Variants in SLC67A1 observed in about 807,000 individuals in gnomAD.
SLC67A1 encodes the protein solute carrier family 67 member 1.
At chr11:2,910,472 G>C in the SLC67A1 span, among the ~76,000 whole-genome samples, 444 of 152,302 alleles carry the variant, frequency 2.9e-3, 1 homozygote, top group African/African-American at 0.01. Flanking sequence ...TGAAGCAGGA[G>C]AGGGAGGCAA....
the SLC67A1 span, among the ~76,000 whole-genome samples, chr11:2,900,068 C>T: frequency 6.6e-6 from 1 of 152,056 alleles, no homozygotes; most frequent in African/African-American, 2.4e-5. Flanking sequence ...TCACCCACCC[C>T]CACCTTACAC....
the SLC67A1 span, among the ~76,000 whole-genome samples, chr11:2,905,881 C>A: frequency 2.0e-4 from 30 of 151,998 alleles, no homozygotes; most frequent in Non-Finnish European, 4.4e-4. Flanking sequence ...GAGAGGAGCA[C>A]TGGGAGCTTG....
At chr11:2,916,626 C>T in the SLC67A1 span, 1 of 1,611,258 alleles carries the variant, frequency 6.2e-7, no homozygotes, top group Non-Finnish European at 8.5e-7. Flanking sequence ...CCGCAGGATT[C>T]AGTGCCCGGC....
chr11:2,913,886 T>A, the SLC67A1 span, among the ~76,000 whole-genome samples: 1 of 151,772 alleles, frequency 6.6e-6, no homozygotes, highest in East Asian at 1.9e-4. Flanking sequence ...TCAGCAGAGG[T>A]TCCTGGAGAC....
chr11:2,910,532 G>C, the SLC67A1 span, among the ~76,000 whole-genome samples: 1 of 152,130 alleles, frequency 6.6e-6, no homozygotes, highest in African/African-American at 2.4e-5. Flanking sequence ...GGGCCGTGTG[G>C]CTGGAGGGAG....
chr11:2,899,726 A>G, the SLC67A1 span: 1 of 1,448,528 alleles, frequency 6.9e-7, no homozygotes, highest in Admixed American at 2.7e-5. Context: ...TTCATGACAA[A>G]AAAAAAGGTC....
chr11:2,923,907 G>A, the SLC67A1 span, among the ~76,000 whole-genome samples: 1 of 152,236 alleles, frequency 6.6e-6, no homozygotes, highest in East Asian at 1.9e-4. The surrounding 1 kb of genome is among the most constrained non-coding windows in gnomAD (Gnocchi z 6.5). Flanking sequence ...AGAAGAGGCT[G>A]CTCTTAATGG....
At chr11:2,903,575 TG>T in the SLC67A1 span, 11 of 1,477,454 alleles carry the variant, frequency 7.4e-6, no homozygotes, top group South Asian at 9.6e-5. Context: ...TCGCAGAGAG[TG>T]GGGGTGGGGG....
chr11:2,909,751 G>A, the SLC67A1 span: 6 of 1,418,516 alleles, frequency 4.2e-6, no homozygotes, highest in Non-Finnish European at 5.5e-6. Context: ...GGGTCAGGAC[G>A]CCCGCGGCTG....
At chr11:2,902,600 G>T in the SLC67A1 span, 2 of 985,528 alleles carry the variant, frequency 2.0e-6, no homozygotes, top group Non-Finnish European at 2.4e-6. Flanking sequence ...GCTCAGATGT[G>T]CAGTCAGCTG....
chr11:2,914,784 C>T, the SLC67A1 span: 50 of 985,338 alleles, frequency 5.1e-5, no homozygotes, highest in Non-Finnish European at 6.0e-5. Flanking sequence ...TGCCCCTGCC[C>T]AGCCAGACCC....
the SLC67A1 span, among the ~76,000 whole-genome samples, chr11:2,912,587 G>A: frequency 6.6e-6 from 1 of 152,122 alleles, no homozygotes; most frequent in Non-Finnish European, 1.5e-5. Flanking sequence ...CACCCACCTG[G>A]GCAGCAGGTG....
the SLC67A1 span, chr11:2,917,046 G>GAGGGA: frequency 5.8e-6 from 2 of 344,658 alleles, no homozygotes; most frequent in South Asian, 4.8e-5. Flanking sequence ...GAGGCCCAGA[G>GAGGGA]AGGCCTGGGG....
chr11:2,916,749 C>G, the SLC67A1 span: 9 of 1,608,332 alleles, frequency 5.6e-6, no homozygotes, highest in Admixed American at 1.7e-5. Flanking sequence ...AGGTAAGCCC[C>G]GCCAGGTACA....
chr11:2,909,855 C>G, the SLC67A1 span: 1 of 939,268 alleles, frequency 1.1e-6, no homozygotes. Context: ...GGACGTCTGG[C>G]CCCGCGCGAG....
the SLC67A1 span, chr11:2,909,088 A>C: frequency 9.3e-7 from 1 of 1,073,384 alleles, no homozygotes; most frequent in Non-Finnish European, 1.3e-6. Flanking sequence ...CTCCATCCCC[A>C]TCCCGCACTC....
At chr11:2,909,483 G>A in the SLC67A1 span, 2 of 1,431,078 alleles carry the variant, frequency 1.4e-6, no homozygotes, top group Non-Finnish European at 1.8e-6. Context: ...GGGGGTGGGG[G>A]GCGACGTGGG....
At chr11:2,900,656 G>A in the SLC67A1 span, among the ~76,000 whole-genome samples, 2 of 130,216 alleles carry the variant, frequency 1.5e-5, no homozygotes, top group African/African-American at 3.0e-5. Flanking sequence ...TCGCGCCACT[G>A]CACTTCAGCC....
At chr11:2,914,090 C>T in the SLC67A1 span, among the ~76,000 whole-genome samples, 14 of 152,194 alleles carry the variant, frequency 9.2e-5, no homozygotes, top group East Asian at 1.9e-4. Context: ...AGCAGGTAAG[C>T]GGCAGAGAAG....
Sources: gnomAD v4.1 joint callset for allele counts (sites outside exome capture counted in the v4.1 genomes callset) on GRCh38, gnomAD v4.1.1 for gene constraint, Gnocchi (gnomAD v3.1) non-coding constraint, MANE v1.5 for transcripts, NCBI Gene and HGNC (gene_info 2026-07-23, HGNC 2026-07-21) for gene names.